The following NFIB variants were observed in gnomAD, a reference collection of about 807,000 sequenced individuals.
The protein encoded by NFIB is nuclear factor I B.
Under a neutral mutation model 61.5 loss-of-function variants are expected in NFIB, and 11 were observed. The observed-to-expected ratio is 0.18, with a 90% confidence interval of 0.11 to 0.30. The LOEUF (loss-of-function observed/expected upper bound fraction) is 0.30. Ranked by LOEUF, NFIB falls within the 10% of genes least tolerant of loss-of-function variation. The pLI is 1.00. For missense variants in NFIB, 471 were observed against 608.9 expected, an observed-to-expected ratio of 0.77 and a Z score of 2.38; for synonymous variants, 260 against 216.5, an observed-to-expected ratio of 1.20 and a Z score of -1.76.
Position 14,274,313 on chromosome 9 carries a change from G to T in NFIB, c.562+32676C>A, listed in dbSNP as rs534780152. 1.5e-4 allele frequency among the ~76,000 whole-genome samples: 20 copies of T among 136,034 alleles called. No individual in the cohort carries two copies. In the South Asian group the frequency reaches 4.4e-3, roughly 30 times the overall value. The allele number at this position is 136,034 out of a possible 152,430, so 89.2% of individuals were successfully genotyped here. A position where few individuals can be genotyped will look rare whatever the true frequency, so the allele number is the denominator to read the frequency against. ...ACACGAAGACATCCATTAATATTAA[G>T]AACAGTCTTCCGTAATGTTTTTCAG... On this transcript the variant is annotated intron_variant, in intron 2 of 10. Coordinates refer to ENST00000380953, the MANE Select transcript of NFIB (RefSeq NM_001190737.2).
In NFIB at chr9:14,313,768, T is replaced by C; in HGVS notation, c.-257A>G. 1 of 1,340,762 alleles carries C rather than the reference T, an allele frequency of 7.5e-7. No individual in the cohort carries two copies. The highest frequency in any genetic ancestry group is 9.6e-7 in the Non-Finnish European group (1 of 1,045,832). The allele number at this position is 1,340,762 out of a possible 1,614,324, so 83.1% of individuals were successfully genotyped here. A position where few individuals can be genotyped will look rare whatever the true frequency, so the allele number is the denominator to read the frequency against. ...TAACCCTCTTGCAGTCCGAGCGCGC[T>C]GGCCGTGCTTGCCGAGGCCGCCGCC... On this transcript the variant is annotated 5_prime_UTR_variant, in exon 1 of 11. Coordinates refer to ENST00000380953, the MANE Select transcript of NFIB (RefSeq NM_001190737.2). This position sits in a 1 kb window ranked among gnomAD's most constrained non-coding sequence, Gnocchi z 4.5.
chr9:14,351,296 A>G (rs959508636), intron 1 of NFIB, among the ~76,000 whole-genome samples: 7 of 152,106 alleles, frequency 4.6e-5, no homozygotes, highest in African/African-American at 1.7e-4. Flanking sequence ...GCCGAAAGTA[A>G]TTTGTCCAAA....
chr9:14,160,637 A>G (rs1183033991), intron 3 of NFIB, among the ~76,000 whole-genome samples: 1 of 152,228 alleles, frequency 6.6e-6, no homozygotes, highest in African/African-American at 2.4e-5. Flanking sequence ...AGCATAACCA[A>G]TATATTCCCA....
chr9:14,391,661 C>T (rs946375048), intron 1 of NFIB, among the ~76,000 whole-genome samples: 3 of 152,092 alleles, frequency 2.0e-5, no homozygotes, highest in Non-Finnish European at 4.4e-5. Flanking sequence ...TGCATGTGGC[C>T]CCTCCAAAGT....
chr9:14,123,769 G>T (rs142764167), intron 7 of NFIB, among the ~76,000 whole-genome samples: 12 of 151,520 alleles, frequency 7.9e-5, no homozygotes, highest in African/African-American at 2.7e-4. Context: ...CTCTTAGTTT[G>T]CCCCTCTGCC....
At position 14,150,513 on chromosome 9, in the gene NFIB, C is replaced by A. The variant is rs143961661; in HGVS notation, c.686-248G>T. On this transcript the variant is annotated intron_variant, in intron 4 of 10. Coordinates refer to ENST00000380953, the MANE Select transcript of NFIB (RefSeq NM_001190737.2). ...GGTTACCAATTTCCCGAATCCTATT[C>A]CTCAACCTTCTTTACTCACTCCTTT... is the stretch of plus-strand genomic sequence containing the variant. Among the ~76,000 whole-genome samples the A allele has an allele frequency of 2.2e-3, 337 of 152,194 alleles. 3 individuals carry two copies. Among genetic ancestry groups the A allele is most frequent in the African/African-American group, 7.7e-3 (322 of 41,560 alleles).
the NFIB span, among the ~76,000 whole-genome samples, chr9:14,525,959 C>A: frequency 2.6e-5 from 4 of 152,096 alleles, no homozygotes; most frequent in African/African-American, 9.7e-5. Flanking sequence ...CTTGTATTTA[C>A]AAAGCATTCA....
In NFIB at chr9:14,088,226, G is replaced by C. The variant is rs1257140691; in HGVS notation, c.*83C>G. Reference sequence around the variant, plus strand: ...TTGCTTGTTTCTGCTTGAAGGAAAGGTTCTCCAATTATGTTCAAACCGTAA... The same window carrying C: ...TTGCTTGTTTCTGCTTGAAGGAAAGCTTCTCCAATTATGTTCAAACCGTAA... On this transcript the variant is annotated 3_prime_UTR_variant, in exon 11 of 11. Transcript: ENST00000380953. 1.3e-6 allele frequency: 2 copies of C among 1,558,890 alleles called. No homozygotes were observed. The highest frequency in any genetic ancestry group is 2.4e-5 in the South Asian group (2 of 83,294).
rs142758463 is a variant in NFIB, at chr9:14,191,357, C to T, written c.563-11577G>A. ...AAAATAAACAAAAATAAAAAAAATA[C>T]AGATAATTCTAACCAAGAATAATAA... On this transcript the variant is annotated intron_variant, in intron 2 of 10. Coordinates refer to ENST00000380953, the MANE Select transcript of NFIB (RefSeq NM_001190737.2). Among the ~76,000 whole-genome samples, 259 of 151,908 alleles carry T rather than the reference C, an allele frequency of 1.7e-3. 5 individuals carry two copies. In the East Asian group the frequency reaches 0.046, roughly 27 times the overall value.
intron 1 of NFIB, among the ~76,000 whole-genome samples, chr9:14,347,746 A>T (rs1438674619): frequency 6.6e-6 from 1 of 152,106 alleles, no homozygotes; most frequent in Non-Finnish European, 1.5e-5. Flanking sequence ...AGGCAGGGCC[A>T]GGAGTTCCGC....
At chr9:14,151,726 G>A (rs1450549426) in intron 4 of NFIB, among the ~76,000 whole-genome samples, 1 of 152,076 alleles carries the variant, frequency 6.6e-6, no homozygotes, top group East Asian at 1.9e-4. Flanking sequence ...GTGGAGACCA[G>A]GCAGGTTGGT....
At chr9:14,108,737 G>T (rs1053495298) in intron 10 of NFIB, among the ~76,000 whole-genome samples, 16 of 152,082 alleles carry the variant, frequency 1.1e-4, no homozygotes, top group African/African-American at 3.9e-4. Flanking sequence ...ATAATTTTGA[G>T]ATTATGAAAA....
chr9:14,523,401 C>T, the NFIB span, among the ~76,000 whole-genome samples: 1 of 151,920 alleles, frequency 6.6e-6, no homozygotes, highest in Non-Finnish European at 1.5e-5. Context: ...TCCCACAAAC[C>T]CACACCTCTC....
the NFIB span, among the ~76,000 whole-genome samples, chr9:14,437,747 T>C: frequency 6.6e-6 from 1 of 152,208 alleles, no homozygotes; most frequent in Non-Finnish European, 1.5e-5. Context: ...CCTACCTTTT[T>C]TCCCAGGCCA....
At chr9:14,199,063 C>A (rs1407714152) in intron 2 of NFIB, among the ~76,000 whole-genome samples, 1 of 152,222 alleles carries the variant, frequency 6.6e-6, no homozygotes, top group African/African-American at 2.4e-5. Flanking sequence ...TCTTTGGGTT[C>A]TGTTGCTTTA....
chr9:14,342,489 A>C (rs2060964150), intron 1 of NFIB, among the ~76,000 whole-genome samples: 1 of 152,114 alleles, frequency 6.6e-6, no homozygotes, highest in South Asian at 2.1e-4. Context: ...AGAAGGAAGA[A>C]AGGAAAGAAG....
At position 14,200,096 on chromosome 9, in the gene NFIB, A is replaced by G. The variant is rs143541542; in HGVS notation, c.563-20316T>C. On this transcript the variant is annotated intron_variant, in intron 2 of 10. Transcript: ENST00000380953. ...TAGGTCTGAAGGCCTGGTAAGAGCA[A>G]TTTAAAGGGGTGTGCTCAGTAGTTG... is the stretch of plus-strand genomic sequence containing the variant. 3.9e-5 allele frequency among the ~76,000 whole-genome samples: 6 copies of G among 152,266 alleles called. No homozygotes were observed. In the East Asian group the frequency reaches 1.2e-3, roughly 29 times the overall value.
At chr9:14,114,827 TA>T (rs961634247) in intron 9 of NFIB, among the ~76,000 whole-genome samples, 22 of 151,728 alleles carry the variant, frequency 1.4e-4, no homozygotes, top group Non-Finnish European at 2.9e-4. Flanking sequence ...TTCAACTACT[TA>T]AAAAAAAATC....
intron 10 of NFIB, among the ~76,000 whole-genome samples, chr9:14,095,580 A>G (rs2034645078): frequency 1.3e-5 from 2 of 152,106 alleles, no homozygotes; most frequent in Non-Finnish European, 2.9e-5. Flanking sequence ...ATTCTCTACA[A>G]AAATGGTGCT....
Sources: gnomAD v4.1 joint callset for allele counts (sites outside exome capture counted in the v4.1 genomes callset) on GRCh38, gnomAD v4.1.1 for gene constraint, Gnocchi (gnomAD v3.1) non-coding constraint, MANE v1.5 for transcripts, NCBI Gene and HGNC (gene_info 2026-07-23, HGNC 2026-07-21) for gene names.